FHIT: variants seen among roughly 807,000 people sequenced by gnomAD.
The protein encoded by FHIT is fragile histidine triad diadenosine triphosphatase.
A neutral mutation model predicts 17.9 loss-of-function variants in FHIT; 19 were observed. The observed-to-expected ratio is 1.06, with a 90% CI of 0.74 to 1.56. The LOEUF is 1.56. Among genes scored for constraint, FHIT ranks in the 40% most tolerant of loss-of-function variants. The probability of loss-of-function intolerance (pLI) is 0.00; values close to 1 mark genes in which losing one functional copy is unlikely to be tolerated. For synonymous variants in FHIT, 81 were observed against 69.7 expected (o/e 1.16, Z -0.81); for missense variants, 248 against 189.2 (o/e 1.31, Z -1.82).
chr3:60,561,236 T>G (rs1345971180), intron 4 of FHIT, among the ~76,000 whole-genome samples: 3 of 152,120 alleles, frequency 2.0e-5, no homozygotes, highest in Non-Finnish European at 4.4e-5. Context: ...AAGGTAGGAC[T>G]GAAATGTGGG....
intron 8 of FHIT, among the ~76,000 whole-genome samples, chr3:59,850,780 A>C (rs1701901914): frequency 6.6e-6 from 1 of 152,224 alleles, no homozygotes; most frequent in Non-Finnish European, 1.5e-5. Flanking sequence ...GACTTGCCAC[A>C]AAAGCAAGAG....
chr3:60,598,801 A>G (rs1553667641), intron 4 of FHIT, among the ~76,000 whole-genome samples: 1 of 152,136 alleles, frequency 6.6e-6, no homozygotes, highest in Admixed American at 6.6e-5. Context: ...GTAGACAGTG[A>G]CATTCCCTTG....
At chr3:59,919,340 G>C (rs1009624986) in intron 8 of FHIT, among the ~76,000 whole-genome samples, 10 of 152,144 alleles carry the variant, frequency 6.6e-5, no homozygotes, top group Middle Eastern at 6.3e-3. Flanking sequence ...ATTATGGAGA[G>C]CTAATGATAT....
At chr3:60,317,854 A>G (rs1227267118) in intron 5 of FHIT, among the ~76,000 whole-genome samples, 1 of 150,576 alleles carries the variant, frequency 6.6e-6, no homozygotes, top group African/African-American at 2.4e-5. Flanking sequence ...ACAGTGGTGC[A>G]GTCTTTGCTC....
At chr3:60,471,162 T>A (rs945132206) in intron 5 of FHIT, among the ~76,000 whole-genome samples, 4 of 152,284 alleles carry the variant, frequency 2.6e-5, no homozygotes, top group South Asian at 2.1e-4. Flanking sequence ...TGCCTGGAGC[T>A]GTGAGCTGTG....
chr3:60,157,103 A>G (rs1700735486), intron 5 of FHIT, among the ~76,000 whole-genome samples: 1 of 152,172 alleles, frequency 6.6e-6, no homozygotes, highest in African/African-American at 2.4e-5. Context: ...TTTTTTATTT[A>G]TAAACATTTA....
intron 5 of FHIT, among the ~76,000 whole-genome samples, chr3:60,018,095 C>T (rs1368805542): frequency 6.6e-6 from 1 of 152,192 alleles, no homozygotes; most frequent in African/African-American, 2.4e-5. Flanking sequence ...AAGCACGATG[C>T]TGGCTTCTGA....
chr3:60,941,831 C>G (rs1439564617), intron 3 of FHIT, among the ~76,000 whole-genome samples: 1 of 152,150 alleles, frequency 6.6e-6, no homozygotes, highest in Non-Finnish European at 1.5e-5. Flanking sequence ...GTTCCACCTT[C>G]TAGCCTGGAT....
intron 8 of FHIT, among the ~76,000 whole-genome samples, chr3:59,910,408 C>T (rs959114118): frequency 1.3e-5 from 2 of 152,176 alleles, no homozygotes; most frequent in Non-Finnish European, 2.9e-5. Context: ...CCCTAAGCAG[C>T]TCCCAGCTTG....
intron 4 of FHIT, among the ~76,000 whole-genome samples, chr3:60,784,761 A>C (rs1192607539): frequency 6.6e-6 from 1 of 152,208 alleles, no homozygotes; most frequent in Non-Finnish European, 1.5e-5. Context: ...TGATGGCATG[A>C]GGAAGTAGGG....
intron 5 of FHIT, among the ~76,000 whole-genome samples, chr3:60,059,785 C>A (rs1461021644): frequency 6.6e-6 from 1 of 152,142 alleles, no homozygotes; most frequent in East Asian, 1.9e-4. Flanking sequence ...TCCCCCCATT[C>A]TTGTTGGGTC....
At chr3:59,899,842 T>C (rs755548257) in intron 8 of FHIT, among the ~76,000 whole-genome samples, 1 of 151,886 alleles carries the variant, frequency 6.6e-6, no homozygotes, top group Non-Finnish European at 1.5e-5. Flanking sequence ...CAAGTCTCCT[T>C]CTCAAAAAAC....
At chr3:60,293,579 A>G (rs962059839) in intron 5 of FHIT, among the ~76,000 whole-genome samples, 1 of 152,140 alleles carries the variant, frequency 6.6e-6, no homozygotes, top group Non-Finnish European at 1.5e-5. Context: ...CTTCCACAGT[A>G]TTATAGGGCA....
At chr3:60,488,179 G>A (rs1462124080) in intron 5 of FHIT, among the ~76,000 whole-genome samples, 1 of 152,146 alleles carries the variant, frequency 6.6e-6, no homozygotes, top group Non-Finnish European at 1.5e-5. Flanking sequence ...CAGCAGCAGG[G>A]ACCTGCTAAA....
At chr3:59,845,825 TACTTA>T (rs1701700114) in intron 8 of FHIT, among the ~76,000 whole-genome samples, 1 of 152,186 alleles carries the variant, frequency 6.6e-6, no homozygotes, top group African/African-American at 2.4e-5. Context: ...TCTGTTTTCT[TACTTA>T]ACTTCTGTCT....
intron 7 of FHIT, among the ~76,000 whole-genome samples, chr3:59,998,245 G>A (rs1347414914): frequency 2.0e-5 from 3 of 152,170 alleles, no homozygotes; most frequent in Non-Finnish European, 4.4e-5. Context: ...AAGGGCTACA[G>A]TGGCTAATGG....
At chr3:60,973,024 T>C (rs1326297137) in intron 3 of FHIT, among the ~76,000 whole-genome samples, 1 of 152,162 alleles carries the variant, frequency 6.6e-6, no homozygotes, top group Non-Finnish European at 1.5e-5. Flanking sequence ...AATTTCTCAG[T>C]CACTTTTGGA....
At chr3:60,801,633 T>C (rs1477511720) in intron 4 of FHIT, among the ~76,000 whole-genome samples, 1 of 152,246 alleles carries the variant, frequency 6.6e-6, no homozygotes, top group Non-Finnish European at 1.5e-5. Context: ...ACCAAGGTTA[T>C]GCAAAAGAGA....
At chr3:60,530,526 C>T (rs965795672) in intron 5 of FHIT, among the ~76,000 whole-genome samples, 44 of 152,122 alleles carry the variant, frequency 2.9e-4, no homozygotes, top group Non-Finnish European at 5.1e-4. Flanking sequence ...GCTCCAGAAA[C>T]AAAAAATAAA....
Sources: gnomAD v4.1 joint callset for allele counts (sites outside exome capture counted in the v4.1 genomes callset) on GRCh38, gnomAD v4.1.1 for gene constraint, MANE v1.5 for transcripts, NCBI Gene and HGNC (gene_info 2026-07-23, HGNC 2026-07-21) for gene names.